ABCA10: variants seen among roughly 807,000 people sequenced by gnomAD.
The protein encoded by ABCA10 is ATP binding cassette subfamily A member 10, also known as ATP-binding cassette sub-family A member 10.
Under a neutral mutation model 187.5 loss-of-function variants are expected in ABCA10, and 169 were observed. The ratio of observed to expected loss-of-function variants is 0.90; its 90% CI spans 0.80 to 1.02. ABCA10 has a LOEUF of 1.02. Among genes scored for constraint, ABCA10 ranks in the 50% least tolerant of loss-of-function variants. The pLI, the probability that ABCA10 is intolerant of heterozygous loss-of-function variation, is 0.00. For missense variants in ABCA10, 1,727 were observed against 1,812.4 expected (o/e 0.95, Z 0.86); for synonymous variants, 574 against 601.8 (o/e 0.95, Z 0.68).
At chr17:69,225,198 T>C (rs1432758228) in intron 3 of ABCA10, 127 bp downstream of exon 3, 1 of 1,022,870 alleles carries the variant, frequency 9.8e-7, no homozygotes, top group Non-Finnish European at 1.5e-6. Flanking sequence ...GTACTGCATA[T>C]ATAATGAGAA....
intron 3 of ABCA10, chr17:69,223,737 C>T (rs2074770529): frequency 2.5e-6 from 1 of 397,620 alleles, no homozygotes; most frequent in Admixed American, 3.4e-5. Context: ...ACTGTCAAGG[C>T]CAAACCATGA....
At chr17:69,201,695 T>C (rs1045612713) in intron 9 of ABCA10, 27 bp from the exon 10 acceptor site, 5 of 1,540,946 alleles carry the variant, frequency 3.2e-6, no homozygotes, top group Non-Finnish European at 4.4e-6. Flanking sequence ...CAATTACATA[T>C]TGCATCAATT....
intron 19 of ABCA10, among the ~76,000 whole-genome samples, chr17:69,187,135 A>G (rs1234138028): frequency 6.6e-6 from 1 of 152,008 alleles, no homozygotes; most frequent in Non-Finnish European, 1.5e-5. Context: ...AAACACTGAA[A>G]CTCCCTCAGC....
chr17:69,155,938 T>C lies in ABCA10; in HGVS notation c.3456-13A>G. 13 of 1,604,282 alleles carry C rather than the reference T, an allele frequency of 8.1e-6. No individual in the cohort carries two copies. The highest frequency in any genetic ancestry group is 1.1e-5 in the Non-Finnish European group (13 of 1,176,172). ...CCGTGGAGAGATTCTACAGAGGAAA[T>C]AAAATAACATAAAAATGCAATTTTG... On this transcript the variant is annotated splice_polypyrimidine_tract_variant and intron_variant, in intron 28 of 38. Transcript: ENST00000690296.
At chr17:69,154,675 C>A (rs1450425879) in intron 30 of ABCA10, among the ~76,000 whole-genome samples, 1 of 152,096 alleles carries the variant, frequency 6.6e-6, no homozygotes, top group Non-Finnish European at 1.5e-5. Flanking sequence ...CCCGCCTCAG[C>A]CTCTCAAAGT....
intron 25 of ABCA10, among the ~76,000 whole-genome samples, chr17:69,166,064 CACTGTACT>C (rs2074252855): frequency 6.6e-6 from 1 of 152,066 alleles, no homozygotes; most frequent in Non-Finnish European, 1.5e-5. Flanking sequence ...CTGTAGAACA[CACTGTACT>C]ACTGTAATAA....
intron 9 of ABCA10, among the ~76,000 whole-genome samples, chr17:69,205,881 T>A (rs1373020131): frequency 3.3e-5 from 5 of 152,214 alleles, no homozygotes; most frequent in African/African-American, 4.8e-5. Context: ...AATTAAAGTC[T>A]AGAGATGAGG....
At chr17:69,163,985 G>A in intron 27 of ABCA10, 89 bp downstream of exon 27, 1 of 972,388 alleles carries the variant, frequency 1.0e-6, no homozygotes, top group Non-Finnish European at 1.5e-6. Flanking sequence ...GGTATTTTAA[G>A]ACATTTAAAT....
intron 1 of ABCA10, among the ~76,000 whole-genome samples, chr17:69,238,505 T>C (rs2074885659): frequency 6.6e-6 from 1 of 152,214 alleles, no homozygotes. Flanking sequence ...GGATTCTCTA[T>C]GAACTAGCTC....
intron 9 of ABCA10, 28 bp from the exon 10 acceptor site, chr17:69,201,696 T>G: frequency 6.5e-7 from 1 of 1,541,328 alleles, no homozygotes; most frequent in East Asian, 2.3e-5. Flanking sequence ...AATTACATAT[T>G]GCATCAATTA....
At position 69,148,817 on chromosome 17, in the gene ABCA10, G is replaced by T. The variant is rs372285641; in HGVS notation, c.*10C>A. 1.2e-6 allele frequency: 2 copies of T among 1,603,720 alleles called. No homozygotes were observed. Among genetic ancestry groups the T allele is most frequent in the Non-Finnish European group, 1.7e-6 (2 of 1,172,736 alleles). ...AGGACCTAAAATTGAATGTTAGGAG[G>T]TTCTTCATTTTAAGGGTCTTCCTGT... On this transcript the variant is annotated 3_prime_UTR_variant, in exon 39 of 39. Transcript: ENST00000690296.
At chr17:69,202,101 C>A (rs951032752) in intron 9 of ABCA10, among the ~76,000 whole-genome samples, 2 of 152,114 alleles carry the variant, frequency 1.3e-5, no homozygotes, top group African/African-American at 4.8e-5. Context: ...AAAAATAAAG[C>A]ATTACAGGTG....
chr17:69,201,416 T>C (rs1043680814), intron 10 of ABCA10, 84 bp downstream of exon 10: 2 of 1,206,504 alleles, frequency 1.7e-6, no homozygotes, highest in Non-Finnish European at 2.2e-6. Context: ...AAAGAACACA[T>C]AATCTATATC....
intron 25 of ABCA10, among the ~76,000 whole-genome samples, chr17:69,169,229 T>G (rs1296468190): frequency 6.6e-6 from 1 of 152,212 alleles, no homozygotes; most frequent in African/African-American, 2.4e-5. Flanking sequence ...CACTGAGGAT[T>G]AAAACCTGGG....
intron 9 of ABCA10, among the ~76,000 whole-genome samples, chr17:69,205,991 C>A (rs2074588840): frequency 6.6e-6 from 1 of 152,102 alleles, no homozygotes; most frequent in Non-Finnish European, 1.5e-5. Flanking sequence ...ATGGTAAAAG[C>A]ACAAATGTAA....
chr17:69,217,934 T>C (rs940080579), intron 6 of ABCA10, among the ~76,000 whole-genome samples: 2 of 152,156 alleles, frequency 1.3e-5, no homozygotes, highest in African/African-American at 2.4e-5. Context: ...AGATGCAACA[T>C]ATCAATTAAT....
At chr17:69,241,723 C>CT (rs569293971) in intron 1 of ABCA10, among the ~76,000 whole-genome samples, 123 of 152,326 alleles carry the variant, frequency 8.1e-4, no homozygotes, top group African/African-American at 2.9e-3. Flanking sequence ...TCCCCATCAT[C>CT]TAACATACTA....
chr17:69,206,198 C>A (rs1176569285), intron 9 of ABCA10, among the ~76,000 whole-genome samples: 1 of 152,108 alleles, frequency 6.6e-6, no homozygotes, highest in Non-Finnish European at 1.5e-5. Flanking sequence ...TAGGTAGATA[C>A]AAATGACACA....
chr17:69,175,295 G>C, intron 23 of ABCA10, 111 bp downstream of exon 23: 1 of 834,128 alleles, frequency 1.2e-6, no homozygotes, highest in Non-Finnish European at 1.8e-6. Context: ...TGTAATGTAT[G>C]TGTAAAAACA....
Sources: allele counts gnomAD v4.1 joint callset (sites outside exome capture counted in the v4.1 genomes callset), GRCh38; gene constraint gnomAD v4.1.1; transcripts MANE v1.5; gene names NCBI Gene and HGNC (gene_info 2026-07-23, HGNC 2026-07-21).